The following MARK3 variants were observed in gnomAD, a reference collection of about 807,000 sequenced individuals.
MARK3 encodes the protein MAP/microtubule affinity-regulating kinase 3.
MARK3 carries 46 observed loss-of-function variants against 90.1 expected under a neutral mutation model. The observed-to-expected ratio is 0.51, with a 90% CI of 0.40 to 0.65. MARK3 has a LOEUF of 0.65. Among genes scored for constraint, MARK3 ranks in the 30% least tolerant of loss-of-function variants. The probability of loss-of-function intolerance (pLI) is 0.00; values close to 1 mark genes in which losing one functional copy is unlikely to be tolerated. For missense variants in MARK3, 818 were observed against 947.2 expected, an observed-to-expected ratio of 0.86 and a Z score of 1.79; for synonymous variants, 321 against 332.6, an observed-to-expected ratio of 0.97 and a Z score of 0.38.
Position 103,468,052 on chromosome 14 carries a change from G to C in MARK3, c.1130G>C (p.Ser377Thr), listed in dbSNP as rs368170565. ...KSSELDASDS[S>T]SSSNLSLAKV... The stretch of plus-strand genomic sequence containing the variant: ...TCTTAGCTGGATGCTAGTGATTCCA[G>C]TTCTAGCAGCAATCTTTCACTTGCT... The change falls in exon 12 of 18, where the codon AGT (serine) becomes ACT (threonine). Residue 377 changes from serine to threonine, a missense_variant. This residue lies in a region of MARK3 where 560 missense variants were observed against 613.5 expected (regional missense o/e 0.91). Transcript: ENST00000429436. 6 of 1,613,656 alleles carry C rather than the reference G, an allele frequency of 3.7e-6. No homozygotes were observed. Among genetic ancestry groups the C allele is most frequent in the Non-Finnish European group, 5.1e-6 (6 of 1,179,888 alleles).
intron 1 of MARK3, among the ~76,000 whole-genome samples, chr14:103,389,319 G>C (rs1406628428): frequency 6.6e-6 from 1 of 150,696 alleles, no homozygotes; most frequent in Non-Finnish European, 1.5e-5. Context: ...AGCCGAGATT[G>C]GGCCACCACA....
chr14:103,493,874 CAAAA>C (rs539464779), intron 15 of MARK3, among the ~76,000 whole-genome samples: 1 of 87,586 alleles, frequency 1.1e-5, no homozygotes, highest in Non-Finnish European at 2.2e-5. Flanking sequence ...GACTGTGTCT[CAAAA>C]AAAAAAAAAA....
chr14:103,502,963 C>G lies in MARK3; in HGVS notation c.1998C>G (p.Thr666=), dbSNP rs746024705. Residue 666 remains threonine (T), a synonymous_variant, in exon 18 of 18, where the codon ACC becomes ACG. Coordinates refer to ENST00000429436, the MANE Select transcript of MARK3 (RefSeq NM_001128918.3). ...TACGCTTCACCTGGAGCATGAAAAC[C>G]ACTAGTTCAATGGATCCCGGGGACA... ...RSLRFTWSMK[T]TSSMDPGDMM... 6.2e-7 allele frequency: 1 copy of G among 1,614,242 alleles called. No individual in the cohort carries two copies. The highest frequency in any genetic ancestry group is 1.1e-5 in the South Asian group (1 of 91,092).
chr14:103,474,902 A>G (rs2093689440), intron 12 of MARK3, 91 bp from the exon 13 acceptor site: 1 of 985,984 alleles, frequency 1.0e-6, no homozygotes, highest in Non-Finnish European at 1.5e-6. Flanking sequence ...GTGAATAGCA[A>G]CCTTAGATCA....
chr14:103,458,185 C>T (rs970882145), intron 6 of MARK3, among the ~76,000 whole-genome samples: 11 of 152,098 alleles, frequency 7.2e-5, no homozygotes, highest in African/African-American at 2.7e-4. Flanking sequence ...AGGCTGGGTG[C>T]GATGGCTCAT....
intron 1 of MARK3, among the ~76,000 whole-genome samples, chr14:103,399,751 C>T (rs991891360): frequency 6.7e-6 from 1 of 150,340 alleles, no homozygotes; most frequent in African/African-American, 2.4e-5. Context: ...AGGTATGCAG[C>T]GTCTAGCTTT....
intron 17 of MARK3, 136 bp downstream of exon 17, chr14:103,500,336 A>AG: frequency 1.6e-6 from 1 of 635,742 alleles, no homozygotes; most frequent in African/African-American, 1.9e-5. Context: ...GGTGGCCACA[A>AG]GGGGGCGCCA....
rs1354953691 is a variant in MARK3 at position 103,503,128 on chromosome 14, A to C, written c.2163A>C (p.Pro721=). ...GGGAAATGGAAGTGTGCAAGCTGCC[A>C]AGACTGTCTCTGAACGGGGTCCGGT... ...VQWEMEVCKL[P]RLSLNGVRFK... The change falls in exon 18 of 18, where the codon CCA becomes CCC. Residue 721 remains proline (P), a synonymous_variant. Coordinates refer to ENST00000429436, the MANE Select transcript of MARK3 (RefSeq NM_001128918.3). 8.1e-6 allele frequency: 13 copies of C among 1,614,140 alleles called. No individual in the cohort carries two copies. Among genetic ancestry groups the C allele is most frequent in the Non-Finnish European group, 1.0e-5 (12 of 1,180,054 alleles).
intron 2 of MARK3, among the ~76,000 whole-genome samples, chr14:103,407,995 T>TA (rs1262462264): frequency 2.0e-5 from 3 of 152,140 alleles, no homozygotes; most frequent in African/African-American, 7.2e-5. Context: ...TGGGATTCCA[T>TA]AAAAATCCCG....
At chr14:103,452,693 G>C (rs947996265) in intron 5 of MARK3, among the ~76,000 whole-genome samples, 1 of 151,422 alleles carries the variant, frequency 6.6e-6, no homozygotes, top group Non-Finnish European at 1.5e-5. Context: ...GGATGGTCTC[G>C]ATCTCCTGAC....
chr14:103,442,806 TTAAAC>T (rs1318548780), intron 3 of MARK3, among the ~76,000 whole-genome samples: 1 of 152,136 alleles, frequency 6.6e-6, no homozygotes, highest in Non-Finnish European at 1.5e-5. Flanking sequence ...GCATTAAACA[TTAAAC>T]TAATAGTTTA....
At chr14:103,412,851 G>T in intron 2 of MARK3, 1 of 321,510 alleles carries the variant, frequency 3.1e-6, no homozygotes, top group Non-Finnish European at 5.9e-6. Flanking sequence ...TTTTAATGAT[G>T]CCAAGTCTTT....
intron 1 of MARK3, among the ~76,000 whole-genome samples, chr14:103,392,284 T>G (rs540137054): frequency 6.6e-6 from 1 of 152,322 alleles, no homozygotes; most frequent in South Asian, 2.1e-4. Context: ...TTCCTGCTCT[T>G]TAGGATTTCC....
chr14:103,480,912 G>A (rs766683461), intron 14 of MARK3, among the ~76,000 whole-genome samples: 10 of 152,222 alleles, frequency 6.6e-5, no homozygotes, highest in Non-Finnish European at 1.3e-4. Context: ...TAGCATTAAA[G>A]GTCCGCAGTT....
intron 5 of MARK3, among the ~76,000 whole-genome samples, chr14:103,453,357 A>T (rs1160612341): frequency 1.3e-5 from 2 of 152,224 alleles, no homozygotes; most frequent in Non-Finnish European, 2.9e-5. Flanking sequence ...TTTAGGAATT[A>T]TAAACTACTG....
intron 6 of MARK3, 55 bp from the exon 7 acceptor site, chr14:103,462,350 A>G (rs2093418875): frequency 2.8e-5 from 36 of 1,292,398 alleles, no homozygotes; most frequent in South Asian, 1.1e-4. Context: ...AGTTATTTTC[A>G]TCTTAATTAC....
At chr14:103,404,673 T>C (rs750059575) in intron 1 of MARK3, among the ~76,000 whole-genome samples, 1 of 152,216 alleles carries the variant, frequency 6.6e-6, no homozygotes, top group Non-Finnish European at 1.5e-5. Context: ...TGAACAGTTA[T>C]GTGGCTGTAT....
At chr14:103,399,615 C>T (rs554517866) in intron 1 of MARK3, among the ~76,000 whole-genome samples, 3 of 148,826 alleles carry the variant, frequency 2.0e-5, no homozygotes, top group Admixed American at 6.8e-5. Context: ...CAGAGAATGG[C>T]GTGAACCCGG....
At chr14:103,408,191 G>C (rs1027287656) in intron 2 of MARK3, among the ~76,000 whole-genome samples, 1 of 151,658 alleles carries the variant, frequency 6.6e-6, no homozygotes, top group African/African-American at 2.4e-5. Context: ...TTTTTGGCGG[G>C]GGGGAGGTGG....
Sources: gnomAD v4.1 joint callset for allele counts (sites outside exome capture counted in the v4.1 genomes callset) on GRCh38, gnomAD v4.1.1 for gene constraint, gnomAD v4.1.1 regional missense constraint, MANE v1.5 for transcripts, NCBI Gene and HGNC (gene_info 2026-07-23, HGNC 2026-07-21) for gene names.